BAHCC1: variants seen among roughly 807,000 people sequenced by gnomAD.
The protein encoded by BAHCC1 is BAH and coiled-coil domain-containing protein 1.
Under a neutral mutation model 88.2 loss-of-function variants are expected in BAHCC1, and 43 were observed. The ratio of observed to expected loss-of-function variants is 0.49; its 90% CI spans 0.38 to 0.63. BAHCC1 has a LOEUF of 0.63. Among genes scored for constraint, BAHCC1 ranks in the 20% least tolerant of loss-of-function variants. The pLI is 0.00. For missense variants in BAHCC1, 3,023 were observed against 1,654.8 expected (o/e 1.83, Z -14.34); for synonymous variants, 1,510 against 745.5 (o/e 2.03, Z -16.71).
At chr17:81,450,844 G>A (rs2064619643) in intron 11 of BAHCC1, among the ~76,000 whole-genome samples, 2 of 152,182 alleles carry the variant, frequency 1.3e-5, no homozygotes, top group Admixed American at 1.3e-4. Flanking sequence ...GGAGTTCGAG[G>A]TTGCAGTGAG....
At chr17:81,448,991 C>A (rs528532568) in intron 11 of BAHCC1, among the ~76,000 whole-genome samples, 1 of 152,306 alleles carries the variant, frequency 6.6e-6, no homozygotes, top group Non-Finnish European at 1.5e-5. Context: ...GTGGGAGGGT[C>A]TCAGGGACCC....
intron 2 of BAHCC1, among the ~76,000 whole-genome samples, chr17:81,426,142 A>G (rs1486846258): frequency 1.5e-4 from 10 of 68,642 alleles, no homozygotes; most frequent in East Asian, 4.7e-4. Context: ...TGGTGGTGAT[A>G]GTGGTGGGTG....
At chr17:81,412,642 G>C (rs2063968672) in intron 2 of BAHCC1, among the ~76,000 whole-genome samples, 1 of 152,168 alleles carries the variant, frequency 6.6e-6, no homozygotes, top group Non-Finnish European at 1.5e-5. Context: ...TCTCCCTCCT[G>C]GCCCTTCCCG....
intron 3 of BAHCC1, among the ~76,000 whole-genome samples, chr17:81,436,926 G>C (rs1475472225): frequency 6.6e-6 from 1 of 152,252 alleles, no homozygotes; most frequent in Admixed American, 6.5e-5. Flanking sequence ...TGGGACGTGT[G>C]TGGGGTGCAT....
chr17:81,414,351 G>A (rs1217419735), intron 2 of BAHCC1, among the ~76,000 whole-genome samples: 7 of 152,252 alleles, frequency 4.6e-5, no homozygotes, highest in African/African-American at 1.2e-4. Context: ...CCGTGAGGCC[G>A]GCAGGGCATG....
chr17:81,460,862 T>G lies in BAHCC1; in HGVS notation c.6203-4T>G, dbSNP rs782627048. 5.2e-6 allele frequency: 4 copies of G among 766,288 alleles called. No homozygotes were observed. In the African/African-American group the frequency reaches 6.8e-5, roughly 13 times the overall value. The allele number at this position is 766,288 out of a possible 1,614,324, so 47.5% of individuals were successfully genotyped here. A position where few individuals can be genotyped will look rare whatever the true frequency, so the allele number is the denominator to read the frequency against. ...GGCTGACTCTGCTGGGCTTTTGCCC[T>G]CAGGTAAAGCCGAACTCCTAACCTC... is the stretch of plus-strand genomic sequence containing the variant. On this transcript the variant is annotated splice_polypyrimidine_tract_variant and splice_region_variant and intron_variant, in intron 25 of 27. Coordinates refer to ENST00000675386, the MANE Select transcript of BAHCC1 (RefSeq NM_001377448.1).
chr17:81,432,226 C>T (rs1393758742), intron 3 of BAHCC1, among the ~76,000 whole-genome samples: 1 of 152,164 alleles, frequency 6.6e-6, no homozygotes, highest in Non-Finnish European at 1.5e-5. Context: ...CCTAGGCTGA[C>T]ATCCCTGGAT....
At chr17:81,445,319 C>T (rs782280604) in intron 9 of BAHCC1, 35 bp from the exon 10 acceptor site, 1 of 751,806 alleles carries the variant, frequency 1.3e-6, no homozygotes, top group East Asian at 2.5e-5. Context: ...TCAGGGGATC[C>T]TGAGCCTGAC....
At chr17:81,426,439 G>A (rs2064200398) in intron 2 of BAHCC1, among the ~76,000 whole-genome samples, 1 of 127,596 alleles carries the variant, frequency 7.8e-6, no homozygotes, top group Non-Finnish European at 1.6e-5. Context: ...TGGGTGATGT[G>A]GTTGGGGGTG....
In BAHCC1 at chr17:81,462,957, A is replaced by G. The variant is rs782225505; in HGVS notation, c.7601A>G (p.Lys2534Arg). ...FYHPEETKLG[K>R]RQCDGKNALY... Reference sequence around the variant, plus strand: ...CACCCTGAGGAGACCAAGCTGGGCAAGAGGCAGTGCGACGGCAAGGTGAGG... The same window carrying G: ...CACCCTGAGGAGACCAAGCTGGGCAGGAGGCAGTGCGACGGCAAGGTGAGG... Residue 2534 changes from lysine to arginine, a missense_variant, in exon 27 of 28, where the codon AAG becomes AGG. Coordinates refer to ENST00000675386, the MANE Select transcript of BAHCC1 (RefSeq NM_001377448.1). 1 of 781,200 alleles carries G rather than the reference A, an allele frequency of 1.3e-6. No homozygotes were observed. Among genetic ancestry groups the G allele is most frequent in the Non-Finnish European group, 2.4e-6 (1 of 418,962 alleles). The allele number at this position is 781,200 out of a possible 1,614,324, so 48.4% of individuals were successfully genotyped here.
Position 81,464,246 on chromosome 17 carries a change from GT to G in BAHCC1, c.*430del. 1 of 257,074 alleles carries G rather than the reference GT, an allele frequency of 3.9e-6. No individual in the cohort carries two copies. The highest frequency in any genetic ancestry group is 9.2e-5 in the East Asian group (1 of 10,838). 15.9% of individuals were successfully genotyped at this position (257,074 alleles called of 1,614,324 possible). Reference sequence around the variant, plus strand: ...CTGCGGGGAAATTTTATGGTAAAAAGTGGAAAAGGGTTTTTCCCCATCCGCG... The same window carrying G: ...CTGCGGGGAAATTTTATGGTAAAAAGGGAAAAGGGTTTTTCCCCATCCGCG... On this transcript the variant is annotated 3_prime_UTR_variant, in exon 28 of 28. Coordinates refer to ENST00000675386, the MANE Select transcript of BAHCC1 (RefSeq NM_001377448.1).
At chr17:81,441,668 CAAAAAAA>C (rs11333301) in intron 4 of BAHCC1, among the ~76,000 whole-genome samples, 156 bp from the exon 5 acceptor site, 1 of 91,670 alleles carries the variant, frequency 1.1e-5, no homozygotes, top group Non-Finnish European at 2.1e-5. Context: ...GACTCCGTCT[CAAAAAAA>C]AAAAAAAAAA....
At chr17:81,418,810 C>CGCGTGTGTGTGT (rs71302047) in intron 2 of BAHCC1, among the ~76,000 whole-genome samples, 1 of 146,332 alleles carries the variant, frequency 6.8e-6, no homozygotes, top group Admixed American at 6.7e-5. Flanking sequence ...TGTGTGTGTA[C>CGCGTGTGTGTGT]GTGTGTGTGT....
chr17:81,455,779 G>T (rs554342343), intron 15 of BAHCC1, among the ~76,000 whole-genome samples: 2 of 151,566 alleles, frequency 1.3e-5, no homozygotes, highest in South Asian at 2.1e-4. Context: ...TTCTTGGTGT[G>T]GGGGGGCTCC....
In BAHCC1 at chr17:81,458,307, CA is replaced by C; in HGVS notation, c.5186del (p.Lys1729ArgfsTer78). 1.3e-6 allele frequency: 1 copy of C among 750,652 alleles called. No individual in the cohort carries two copies. Among genetic ancestry groups the C allele is most frequent in the Admixed American group, 1.8e-5 (1 of 54,594 alleles). 46.5% of individuals were successfully genotyped at this position (750,652 alleles called of 1,614,324 possible). A position where few individuals can be genotyped will look rare whatever the true frequency, so the allele number is the denominator to read the frequency against. On this transcript the variant is annotated frameshift_variant, in exon 18 of 28. Transcript: ENST00000675386. The part of the protein sequence containing the change: ...LGKKKAKGKA[K>X]GSLRAEPGAT... The stretch of plus-strand genomic sequence containing the variant: ...GCAAGAAGAAAGCCAAGGGCAAGGC[CA>C]AGGGCAGCCTGCGGGCAGAGCCGGG...
chr17:81,404,227 C>T (rs558197440), intron 2 of BAHCC1, among the ~76,000 whole-genome samples: 7 of 152,128 alleles, frequency 4.6e-5, no homozygotes, highest in Non-Finnish European at 5.9e-5. Flanking sequence ...AACAACAGAA[C>T]GAGCTAAAAA....
At chr17:81,416,584 C>T (rs1365368656) in intron 2 of BAHCC1, among the ~76,000 whole-genome samples, 2 of 59,506 alleles carry the variant, frequency 3.4e-5, no homozygotes, top group Non-Finnish European at 7.1e-5. Context: ...TGTGTGTGTC[C>T]GTGAGGATGG....
chr17:81,455,747 C>T (rs1455832380), intron 15 of BAHCC1, among the ~76,000 whole-genome samples: 3 of 151,930 alleles, frequency 2.0e-5, no homozygotes, highest in Non-Finnish European at 4.4e-5. Context: ...GGGGGCTCCT[C>T]CGGCTGCCGG....
chr17:81,398,557 C>T (rs1188764314), intron 1 of BAHCC1, among the ~76,000 whole-genome samples: 1 of 152,222 alleles, frequency 6.6e-6, no homozygotes, highest in Admixed American at 6.5e-5. Context: ...AGGAAGAAAT[C>T]CCAGGGCCGA....
Sources: gnomAD v4.1 joint callset for allele counts (sites outside exome capture counted in the v4.1 genomes callset) on GRCh38, gnomAD v4.1.1 for gene constraint, MANE v1.5 for transcripts, NCBI Gene and HGNC (gene_info 2026-07-23, HGNC 2026-07-21) for gene names.